Variants in FNIP2 observed in about 807,000 individuals in gnomAD.
The protein encoded by FNIP2 is folliculin-interacting protein 2.
FNIP2 carries 32 observed loss-of-function variants against 108.7 expected under a neutral mutation model. The observed-to-expected ratio is 0.29, with a 90% CI of 0.22 to 0.40. The LOEUF (loss-of-function observed/expected upper bound fraction) is 0.40. Among genes scored for constraint, FNIP2 ranks in the 10% least tolerant of loss-of-function variants. The pLI, the probability that FNIP2 is intolerant of heterozygous loss-of-function variation, is 1.00. For synonymous variants in FNIP2, 480 were observed against 496.7 expected (o/e 0.97, Z 0.45); for missense variants, 1,202 against 1,381.6 (o/e 0.87, Z 2.06).
chr4:158,795,239 C>T (rs1386839778), intron 1 of FNIP2, among the ~76,000 whole-genome samples: 1 of 152,194 alleles, frequency 6.6e-6, no homozygotes, highest in Non-Finnish European at 1.5e-5. Context: ...ATTTTCAGAA[C>T]TTAGATGAAC....
intron 14 of FNIP2, among the ~76,000 whole-genome samples, chr4:158,873,357 T>G (rs940572535): frequency 1.3e-5 from 2 of 152,104 alleles, no homozygotes; most frequent in African/African-American, 2.4e-5. Flanking sequence ...GTGGTGGTTT[T>G]TTTTGTTTTG....
chr4:158,829,249 A>G (rs769993832), intron 3 of FNIP2, 24 bp downstream of exon 3: 23 of 1,576,214 alleles, frequency 1.5e-5, no homozygotes, highest in Admixed American at 1.4e-4. Flanking sequence ...TTCTGTGGGA[A>G]TAGCCCCTGA....
intron 1 of FNIP2, among the ~76,000 whole-genome samples, chr4:158,772,481 C>T (rs1775727984): frequency 6.6e-6 from 1 of 152,072 alleles, no homozygotes. Context: ...GGTGAAAAGA[C>T]CTTGGGCTAC....
intron 1 of FNIP2, among the ~76,000 whole-genome samples, chr4:158,770,714 C>T (rs1775669139): frequency 6.6e-6 from 1 of 152,164 alleles, no homozygotes; most frequent in African/African-American, 2.4e-5. Context: ...CATGTACCTT[C>T]TCAGAATGGT....
chr4:158,889,897 G>C (rs1782199690), intron 14 of FNIP2: 30 of 985,066 alleles, frequency 3.0e-5, no homozygotes, highest in Non-Finnish European at 3.6e-5. Context: ...ACAAGACCTT[G>C]GAGGAGCTTG....
intron 14 of FNIP2, among the ~76,000 whole-genome samples, chr4:158,878,718 G>A (rs962559961): frequency 1.3e-5 from 2 of 152,040 alleles, no homozygotes; most frequent in Non-Finnish European, 2.9e-5. Flanking sequence ...GAGGGCAAGC[G>A]CATACAAGCA....
rs1481887862 is a variant in FNIP2 at position 158,846,722 on chromosome 4, G to A, written c.728-4599G>A. Among the ~76,000 whole-genome samples, 8 of 152,252 alleles carry A rather than the reference G, an allele frequency of 5.3e-5. No homozygotes were observed. The South Asian group carries it at 6.2e-4, about 12-fold the overall frequency. On this transcript the variant is annotated intron_variant, in intron 7 of 16. Transcript: ENST00000264433. ...ACAAATGATTTAATCAAAATTTTAC[G>A]TGAAGAGGAGGCAGAGCAAGATGGC... is the stretch of plus-strand genomic sequence containing the variant.
At position 158,831,981 on chromosome 4, in the gene FNIP2, T is replaced by C. The variant is rs370135957; in HGVS notation, c.482+20T>C. 6.2e-7 allele frequency: 1 copy of C among 1,605,750 alleles called. No homozygotes were observed. Among genetic ancestry groups the C allele is most frequent in the Admixed American group, 1.7e-5 (1 of 59,490 alleles). ...CATACGGTGAGTCTGGGCTTCCTTT[T>C]CTACTAGTTTTGAGAAGTGGAACGG... On this transcript the variant is annotated intron_variant, in intron 4 of 16. Transcript: ENST00000264433.
At chr4:158,828,502 A>G (rs1349223792) in intron 2 of FNIP2, among the ~76,000 whole-genome samples, 1 of 152,168 alleles carries the variant, frequency 6.6e-6, no homozygotes, top group South Asian at 2.1e-4. Flanking sequence ...TGTAAGTCCC[A>G]GCTACTTGGA....
chr4:158,788,070 C>T (rs956962963), intron 1 of FNIP2, among the ~76,000 whole-genome samples: 1 of 152,138 alleles, frequency 6.6e-6, no homozygotes, highest in Non-Finnish European at 1.5e-5. Context: ...TGTATGGTCT[C>T]GAACAAGTTG....
At chr4:158,777,531 G>A (rs1477337713) in intron 1 of FNIP2, among the ~76,000 whole-genome samples, 3 of 152,248 alleles carry the variant, frequency 2.0e-5, no homozygotes, top group Non-Finnish European at 4.4e-5. Flanking sequence ...CCCTGTGTGA[G>A]GAGGTGAGCC....
At chr4:158,904,120 T>C (rs1729612457) in intron 16 of FNIP2, among the ~76,000 whole-genome samples, 1 of 152,186 alleles carries the variant, frequency 6.6e-6, no homozygotes, top group Admixed American at 6.5e-5. Flanking sequence ...GAGTTTATAA[T>C]GGAGAATACC....
chr4:158,813,046 A>AT (rs1303381916), intron 1 of FNIP2, among the ~76,000 whole-genome samples: 2 of 152,070 alleles, frequency 1.3e-5, no homozygotes, highest in Non-Finnish European at 2.9e-5. Flanking sequence ...AGGTCCCTTC[A>AT]TGTCTCTTCG....
At chr4:158,829,734 G>GTGTGTA (rs898786097) in intron 3 of FNIP2, among the ~76,000 whole-genome samples, 2 of 152,024 alleles carry the variant, frequency 1.3e-5, no homozygotes, top group East Asian at 3.8e-4. Flanking sequence ...GTGTGTGTGT[G>GTGTGTA]TGTATAAGGA....
chr4:158,828,986 A>G, intron 2 of FNIP2, 93 bp from the exon 3 acceptor site: 1 of 1,064,416 alleles, frequency 9.4e-7, no homozygotes, highest in Non-Finnish European at 1.3e-6. Flanking sequence ...CCTAGGCACC[A>G]GAATGCTTTT....
chr4:158,834,001 G>C (rs1258939994), intron 6 of FNIP2: 2 of 628,446 alleles, frequency 3.2e-6, no homozygotes, highest in East Asian at 1.4e-4. Context: ...GGGCTCTTGT[G>C]ATCACAGATA....
At chr4:158,898,113 G>T (rs2126791266) in intron 16 of FNIP2, among the ~76,000 whole-genome samples, 1 of 152,206 alleles carries the variant, frequency 6.6e-6, no homozygotes, top group South Asian at 2.1e-4. Flanking sequence ...CCCACTGCTT[G>T]TTTTTGTCAG....
intron 7 of FNIP2, among the ~76,000 whole-genome samples, chr4:158,844,304 A>G (rs555133886): frequency 1.3e-5 from 2 of 152,310 alleles, no homozygotes; most frequent in East Asian, 3.9e-4. Context: ...CCATCCATAT[A>G]TATAAGTAGG....
intron 16 of FNIP2, among the ~76,000 whole-genome samples, chr4:158,900,324 T>C (rs1321204352): frequency 6.6e-6 from 1 of 152,202 alleles, no homozygotes; most frequent in Non-Finnish European, 1.5e-5. Flanking sequence ...TCTGTTGATT[T>C]GGGGTGGAGA....
Sources: allele counts gnomAD v4.1 joint callset (sites outside exome capture counted in the v4.1 genomes callset), GRCh38; gene constraint gnomAD v4.1.1; transcripts MANE v1.5; gene names NCBI Gene and HGNC (gene_info 2026-07-23, HGNC 2026-07-21).